Variants in PIGT observed in about 807,000 individuals in gnomAD.
PIGT encodes GPI-anchor transamidase component PIGT.
Under a neutral mutation model 66.7 loss-of-function variants are expected in PIGT, and 57 were observed. The observed-to-expected ratio is 0.86, with a 90% CI of 0.69 to 1.07. The LOEUF (loss-of-function observed/expected upper bound fraction) is 1.07. Among genes scored for constraint, PIGT ranks in the 50% least tolerant of loss-of-function variants. The pLI, the probability that PIGT is intolerant of heterozygous loss-of-function variation, is 0.00. For synonymous variants in PIGT, 362 were observed against 320.5 expected, an observed-to-expected ratio of 1.13 and a Z score of -1.38; for missense variants, 725 against 740.4, an observed-to-expected ratio of 0.98 and a Z score of 0.24.
In PIGT at chr20:45,421,444, G is replaced by C. The variant is rs752927851; in HGVS notation, c.1095G>C (p.Lys365Asn). The part of the protein sequence containing the change: ...QRYVSGYGLQ[K>N]GELSTLLYNT... ...ACGTGAGTGGCTATGGGCTGCAGAA[G>C]GGGGAGCTGAGCACACTGCTGTACA... Residue 365 changes from lysine (K) to asparagine (N), a missense_variant, in exon 9 of 12, where the codon AAG becomes AAC. Physicochemically the swap from Lys to Asn is moderately conservative, Grantham distance 94. Coordinates refer to ENST00000279036, the MANE Select transcript of PIGT (RefSeq NM_015937.6). 8 of 1,614,182 alleles carry C rather than the reference G, an allele frequency of 5.0e-6. No individual in the cohort carries two copies. The highest frequency in any genetic ancestry group is 5.1e-6 in the Non-Finnish European group (6 of 1,180,026).
rs1329341527 is a variant in PIGT at position 45,420,376 on chromosome 20, T to C, written c.814T>C (p.Cys272Arg). 3.1e-6 allele frequency: 5 copies of C among 1,613,722 alleles called. No individual in the cohort carries two copies. The highest frequency in any genetic ancestry group is 4.2e-6 in the Non-Finnish European group (5 of 1,179,924). The change falls in exon 7 of 12, where the codon TGC becomes CGC. Residue 272 changes from cysteine to arginine, a missense_variant. Around this residue, in one of 3 missense-constraint regions of PIGT, gnomAD observed 559 missense variants for 552.7 expected, o/e 1.01. Transcript: ENST00000279036. ...RMFSRTLTEP[C>R]PLASESRVYV... is the part of the protein sequence containing the mutation. ...GTTCTCCCGAACCCTCACGGAGCCC[T>C]GCCCCCTGGCTTCAGAGAGCCGAGT...
Position 45,425,869 on chromosome 20 carries a change from G to A in PIGT, c.*43G>A. 6.3e-7 allele frequency: 1 copy of A among 1,595,840 alleles called. No homozygotes were observed. Among genetic ancestry groups the A allele is most frequent in the Non-Finnish European group, 8.5e-7 (1 of 1,170,894 alleles). ...AGCTGCAGCTGCCGTTTCTCTCTGGGGAGGGGAGCCCAAGGGCTGTTTCTG... is the reference window on the plus strand; with the variant it reads ...AGCTGCAGCTGCCGTTTCTCTCTGGAGAGGGGAGCCCAAGGGCTGTTTCTG... On this transcript the variant is annotated 3_prime_UTR_variant, in exon 12 of 12. Coordinates refer to ENST00000279036, the MANE Select transcript of PIGT (RefSeq NM_015937.6).
At chr20:45,420,057 A>G in intron 5 of PIGT, 79 bp from the exon 6 acceptor site, 1 of 970,530 alleles carries the variant, frequency 1.0e-6, no homozygotes, top group Non-Finnish European at 1.6e-6. Context: ...TGAGGGATTG[A>G]GTCTGAGTAG....
At chr20:45,425,157 TTCTTTCTTTC>T (rs1990648561) in intron 11 of PIGT, 1 of 114,440 alleles carries the variant, frequency 8.7e-6, no homozygotes, top group Non-Finnish European at 1.8e-5. Context: ...CTTTCTTTCT[TTCTTTCTTTC>T]TTTCTTTCTT....
intron 11 of PIGT, chr20:45,425,179 CTTTCTTTCTTTCTTTCTT>C (rs1990653452): frequency 7.0e-6 from 1 of 142,442 alleles, no homozygotes; most frequent in African/African-American, 2.6e-5. Context: ...TTCTTTCTTT[CTTTCTTTCTTTCTTTCTT>C]TCTTTCTTTC....
At position 45,421,513 on chromosome 20, in the gene PIGT, C is replaced by T. The variant is rs147511743; in HGVS notation, c.1164C>T (p.Thr388=). Residue 388 remains threonine, a synonymous_variant, in exon 9 of 12, where the codon ACC becomes ACT. Coordinates refer to ENST00000279036, the MANE Select transcript of PIGT (RefSeq NM_015937.6). ...YRAFPVLLLD[T]VPWYLRLYVH... ...CCTTCCCGGTGCTGCTGCTGGACACCGTACCCTGGTATCTGCGGCTGTATG... is the reference window on the plus strand; with the variant it reads ...CCTTCCCGGTGCTGCTGCTGGACACTGTACCCTGGTATCTGCGGCTGTATG... The T allele has an allele frequency of 2.2e-5, 36 of 1,614,032 alleles. No homozygotes were observed. The highest frequency in any genetic ancestry group is 5.0e-5 in the Admixed American group (3 of 60,004).
intron 2 of PIGT, chr20:45,416,993 A>G (rs760029433): frequency 1.6e-5 from 4 of 252,320 alleles, no homozygotes; most frequent in Non-Finnish European, 3.0e-5. Flanking sequence ...AAAGGCATTC[A>G]TTAATATTTT....
intron 8 of PIGT, 181 bp downstream of exon 8, chr20:45,420,874 T>G (rs1386223799): frequency 1.6e-6 from 1 of 626,830 alleles, no homozygotes; most frequent in Non-Finnish European, 2.8e-6. Flanking sequence ...CTCCCCAAGC[T>G]TCAGCATCCA....
rs1990213872 is a variant in PIGT, at chr20:45,419,514, C to T, written c.605C>T (p.Ser202Phe). ...TTCCATCTCCTCCAGGCAGGCCTCT[C>T]TGTGCTGCTGAAGGCAGATCGCTTG... ...LLPCSSKAGL[S>F]VLLKADRLFH... The change falls in exon 5 of 12, where the codon TCT becomes TTT. Residue 202 changes from serine to phenylalanine, a missense_variant. Physicochemically the swap from Ser to Phe is radical, Grantham distance 155 (BLOSUM62 -2). Coordinates refer to ENST00000279036, the MANE Select transcript of PIGT (RefSeq NM_015937.6). The T allele has an allele frequency of 6.2e-7, 1 of 1,614,222 alleles. No individual in the cohort carries two copies. The highest frequency in any genetic ancestry group is 8.5e-7 in the Non-Finnish European group (1 of 1,180,022).
chr20:45,424,387 C>A lies in PIGT; in HGVS notation c.1400+6C>A, dbSNP rs768477367. 6.2e-7 allele frequency: 1 copy of A among 1,614,026 alleles called. No homozygotes were observed. ...AACCATGGCTTCTATGTCAGGTGGG[C>A]TCCACCCCCACAGGCCACCTCTCAT... On this transcript the variant is annotated splice_donor_region_variant and intron_variant, in intron 10 of 11. Transcript: ENST00000279036.
chr20:45,419,430 G>T lies in PIGT; in HGVS notation c.594+35G>T, dbSNP rs1457384640. On this transcript the variant is annotated intron_variant, in intron 4 of 11. Transcript: ENST00000279036. ...CAGAGCCTGGCAGCCGGGGGCGGGG[G>T]GTGTATAGAGAACCTGCGCCCCATG... The T allele has an allele frequency of 1.9e-6, 3 of 1,607,826 alleles. No homozygotes were observed. In the South Asian group the frequency reaches 3.3e-5, roughly 18 times the overall value.
At chr20:45,419,677 G>T in intron 5 of PIGT, 87 bp downstream of exon 5, 1 of 934,624 alleles carries the variant, frequency 1.1e-6, no homozygotes, top group Non-Finnish European at 1.8e-6. Context: ...GGCTCAGGCT[G>T]AGTGAGTACT....
At chr20:45,424,925 T>C in intron 11 of PIGT, 2 of 322,286 alleles carry the variant, frequency 6.2e-6, no homozygotes, top group Non-Finnish European at 1.2e-5. Flanking sequence ...TCCCTTTGCT[T>C]ACAGTCTAGA....
intron 2 of PIGT, chr20:45,417,497 T>C (rs2145436997): frequency 6.6e-6 from 1 of 152,300 alleles, no homozygotes; most frequent in South Asian, 2.1e-4. Context: ...CAAATGTTTC[T>C]AAAAATTTTT....
intron 2 of PIGT, chr20:45,417,005 T>A (rs1037628512): frequency 3.3e-5 from 7 of 214,214 alleles, no homozygotes; most frequent in Non-Finnish European, 4.7e-5. Context: ...TAATATTTTT[T>A]AAATGATAAT....
chr20:45,423,949 G>T, intron 9 of PIGT: 1 of 459,672 alleles, frequency 2.2e-6, no homozygotes, highest in Non-Finnish European at 4.0e-6. Context: ...CTTGGTGTCT[G>T]GTGCCCCAGT....
In PIGT at chr20:45,426,080, G is replaced by C; in HGVS notation, c.*254G>C. 1 of 558,054 alleles carries C rather than the reference G, an allele frequency of 1.8e-6. No individual in the cohort carries two copies. Among genetic ancestry groups the C allele is most frequent in the Non-Finnish European group, 3.2e-6 (1 of 312,568 alleles). 34.6% of individuals were successfully genotyped at this position (558,054 alleles called of 1,614,324 possible). A position where few individuals can be genotyped will look rare whatever the true frequency, so the allele number is the denominator to read the frequency against. On this transcript the variant is annotated 3_prime_UTR_variant, in exon 12 of 12. Coordinates refer to ENST00000279036, the MANE Select transcript of PIGT (RefSeq NM_015937.6). Reference sequence around the variant, plus strand: ...ATTGAGGTGCTCAATAAGCAAAAGTGGTCGGTGGCTGCTGTATTGGACAGC... The same window carrying C: ...ATTGAGGTGCTCAATAAGCAAAAGTCGTCGGTGGCTGCTGTATTGGACAGC...
Position 45,421,526 on chromosome 20 carries a change from C to T in PIGT, c.1177C>T (p.Leu393=). ...VLLLDTVPWY[L]RLYVHTLTIT... ...GCTGCTGGACACCGTACCCTGGTAT[C>T]TGCGGCTGTATGTGCACACCCTCAC... is the stretch of plus-strand genomic sequence containing the variant. The change falls in exon 9 of 12, where the codon CTG becomes TTG. Residue 393 remains leucine (L), a synonymous_variant. Transcript: ENST00000279036. 6.2e-7 allele frequency: 1 copy of T among 1,614,176 alleles called. No individual in the cohort carries two copies. The highest frequency in any genetic ancestry group is 8.5e-7 in the Non-Finnish European group (1 of 1,180,026).
rs1416193744 is a variant in PIGT, at chr20:45,421,461, T to C, written c.1112T>C (p.Leu371Pro). Residue 371 changes from leucine to proline, a missense_variant, in exon 9 of 12, where the codon CTG becomes CCG. Transcript: ENST00000279036. Reference sequence around the variant, plus strand: ...CTGCAGAAGGGGGAGCTGAGCACACTGCTGTACAACACCCACCCATACCGG... The same window carrying C: ...CTGCAGAAGGGGGAGCTGAGCACACCGCTGTACAACACCCACCCATACCGG... The part of the protein sequence containing the change: ...YGLQKGELST[L>P]LYNTHPYRAF... The C allele has an allele frequency of 6.2e-7, 1 of 1,614,084 alleles. No homozygotes were observed. The highest frequency in any genetic ancestry group is 8.5e-7 in the Non-Finnish European group (1 of 1,180,026).
Sources: gnomAD v4.1 joint callset for allele counts on GRCh38, gnomAD v4.1.1 for gene constraint, gnomAD v4.1.1 regional missense constraint, MANE v1.5 for transcripts, NCBI Gene and HGNC (gene_info 2026-07-23, HGNC 2026-07-21) for gene names.